Variants in DDHD1 observed in about 807,000 individuals in gnomAD.
DDHD1 encodes the protein DDHD domain containing 1, also known as phospholipase DDHD1.
A neutral mutation model predicts 96.4 loss-of-function variants in DDHD1; 49 were observed. That is an observed-to-expected ratio of 0.51 (90% CI 0.40 to 0.64). The LOEUF is 0.64. Ranked by LOEUF, DDHD1 falls within the 30% of genes least tolerant of loss-of-function variation. DDHD1 has a pLI of 0.00. For missense variants in DDHD1, 1,106 were observed against 1,161.2 expected (o/e 0.95, Z 0.69); for synonymous variants, 442 against 446.5 (o/e 0.99, Z 0.13).
chr14:53,114,864 T>G (rs1285828785), intron 1 of DDHD1, among the ~76,000 whole-genome samples: 1 of 152,056 alleles, frequency 6.6e-6, no homozygotes, highest in Non-Finnish European at 1.5e-5. Context: ...CAAAACTGGA[T>G]GGAGAATGAG....
intron 1 of DDHD1, among the ~76,000 whole-genome samples, chr14:53,150,991 CCTG>C (rs1489300333): frequency 2.6e-5 from 4 of 152,180 alleles, no homozygotes; most frequent in African/African-American, 2.4e-5. Flanking sequence ...AATTAAATTT[CCTG>C]CTATTATTTT....
chr14:53,146,850 A>G (rs1891020245), intron 1 of DDHD1, among the ~76,000 whole-genome samples: 1 of 152,028 alleles, frequency 6.6e-6, no homozygotes, highest in Non-Finnish European at 1.5e-5. Flanking sequence ...TCCTTGTTCT[A>G]CTTTTTAACT....
rs76901477 is a variant in DDHD1 at position 53,062,075 on chromosome 14, C to T, written c.1766+868G>A. Among the ~76,000 whole-genome samples, 73 of 145,192 alleles carry T rather than the reference C, an allele frequency of 5.0e-4. 2 individuals are homozygous for T. Among genetic ancestry groups the T allele is most frequent in the Admixed American group, 3.4e-4 (5 of 14,648 alleles). ...AAAAAAAAATTTGTTATTTTCCATGCTTTTTTTTTCTTTTTTTAAAGTTTT... is the reference window on the plus strand; with the variant it reads ...AAAAAAAAATTTGTTATTTTCCATGTTTTTTTTTTCTTTTTTTAAAGTTTT... On this transcript the variant is annotated intron_variant, in intron 7 of 12. Transcript: ENST00000673822.
intron 12 of DDHD1, among the ~76,000 whole-genome samples, chr14:53,051,597 C>T (rs923405415): frequency 6.6e-6 from 1 of 151,920 alleles, no homozygotes. Context: ...TCTTCAGGTT[C>T]CTTCTTTGTA....
chr14:53,107,513 G>A (rs1410862631), intron 1 of DDHD1, among the ~76,000 whole-genome samples: 1 of 152,206 alleles, frequency 6.6e-6, no homozygotes, highest in Non-Finnish European at 1.5e-5. Context: ...AATTGTGGCT[G>A]GATACAGTGG....
In DDHD1 at chr14:53,152,548, C is replaced by A; in HGVS notation, c.551G>T (p.Gly184Val). 1 of 1,613,876 alleles carries A rather than the reference C, an allele frequency of 6.2e-7. No individual in the cohort carries two copies. Residue 184 changes from glycine (G) to valine (V), a missense_variant, in exon 1 of 13, where the codon GGC becomes GTC. By Grantham distance (109) the Gly-to-Val change is moderately radical. Coordinates refer to ENST00000673822, the MANE Select transcript of DDHD1 (RefSeq NM_001160148.2). ...EDKKTWKPFIGYDSLRIELAF... is the reference protein window; with the variant it reads ...EDKKTWKPFIVYDSLRIELAF... Reference sequence around the variant, plus strand: ...GAGCTCGATGCGGAGCGAGTCGTAGCCGATGAAGGGCTTCCAGGTCTTCTT... The same window carrying A: ...GAGCTCGATGCGGAGCGAGTCGTAGACGATGAAGGGCTTCCAGGTCTTCTT...
At chr14:53,150,344 T>C (rs566313647) in intron 1 of DDHD1, among the ~76,000 whole-genome samples, 1 of 152,352 alleles carries the variant, frequency 6.6e-6, no homozygotes, top group East Asian at 1.9e-4. Context: ...TACTGCACTG[T>C]ATTCCCCCAC....
At position 53,040,657 on chromosome 14, in the gene DDHD1, A is replaced by AACTGTCATCCAGTGT; in HGVS notation, c.*6110_*6111insACACTGGATGACAGT. ...AAAGTTTAAAGTTTCTGTCATCCAAACTGATCACTGCAGAGAGAAAACAGA... is the reference window on the plus strand; with the variant it reads ...AAAGTTTAAAGTTTCTGTCATCCAAAACTGTCATCCAGTGTCTGATCACTGCAGAGAGAAAACAGA... On this transcript the variant is annotated 3_prime_UTR_variant, in exon 13 of 13. Coordinates refer to ENST00000673822, the MANE Select transcript of DDHD1 (RefSeq NM_001160148.2). 1 of 152,192 alleles carries AACTGTCATCCAGTGT rather than the reference A, an allele frequency of 6.6e-6. No individual in the cohort carries two copies. Among genetic ancestry groups the AACTGTCATCCAGTGT allele is most frequent in the South Asian group, 2.1e-4 (1 of 4,838 alleles). The allele number at this position is 152,192 out of a possible 1,614,324, so 9.4% of individuals were successfully genotyped here. A position where few individuals can be genotyped will look rare whatever the true frequency, so the allele number is the denominator to read the frequency against.
intron 1 of DDHD1, among the ~76,000 whole-genome samples, chr14:53,147,942 A>G (rs980717896): frequency 6.6e-6 from 1 of 151,794 alleles, no homozygotes; most frequent in Admixed American, 6.6e-5. Flanking sequence ...TATGAATAAC[A>G]CGGTCACATC....
chr14:53,140,548 C>T (rs1164857310), intron 1 of DDHD1, among the ~76,000 whole-genome samples: 1 of 151,836 alleles, frequency 6.6e-6, no homozygotes, highest in Non-Finnish European at 1.5e-5. Flanking sequence ...AAACAACCAA[C>T]CAAAAAAACT....
In DDHD1 at chr14:53,130,053, ATCC is replaced by A. The variant is rs374907385; in HGVS notation, c.838+22205_838+22207del. ...CCACCCCAAGCTCTGAGTCCTTTGA[ATCC>A]TCCTCTTCTACGGACCCATCTGACC... is the stretch of plus-strand genomic sequence containing the variant. On this transcript the variant is annotated intron_variant, in intron 1 of 12. Coordinates refer to ENST00000673822, the MANE Select transcript of DDHD1 (RefSeq NM_001160148.2). Among the ~76,000 whole-genome samples, 72 of 151,860 alleles carry A rather than the reference ATCC, an allele frequency of 4.7e-4. No homozygotes were observed. In the East Asian group the frequency reaches 0.014, roughly 29 times the overall value.
intron 8 of DDHD1, among the ~76,000 whole-genome samples, 185 bp from the exon 9 acceptor site, chr14:53,058,811 A>G (rs917569259): frequency 1.3e-5 from 2 of 152,250 alleles, no homozygotes; most frequent in Non-Finnish European, 2.9e-5. Context: ...ATCTATTTCC[A>G]TGAGATACTT....
At chr14:53,101,717 ACAT>A (rs1408070830) in intron 2 of DDHD1, among the ~76,000 whole-genome samples, 1 of 152,114 alleles carries the variant, frequency 6.6e-6, no homozygotes, top group African/African-American at 2.4e-5. Flanking sequence ...CCATCTTCTT[ACAT>A]CAGTCTTATT....
intron 4 of DDHD1, among the ~76,000 whole-genome samples, chr14:53,084,623 T>C (rs950464508): frequency 1.3e-5 from 2 of 152,096 alleles, no homozygotes; most frequent in Non-Finnish European, 2.9e-5. Context: ...TGTGACAAGG[T>C]TTTTTCTTTA....
chr14:53,116,960 C>T (rs1290260991), intron 1 of DDHD1, among the ~76,000 whole-genome samples: 1 of 152,074 alleles, frequency 6.6e-6, no homozygotes, highest in Admixed American at 6.5e-5. Flanking sequence ...AATTGATAGA[C>T]TGCTAGCTAG....
chr14:53,100,952 T>C (rs1320513895), intron 2 of DDHD1, among the ~76,000 whole-genome samples: 1 of 152,232 alleles, frequency 6.6e-6, no homozygotes, highest in Non-Finnish European at 1.5e-5. Context: ...TGTTTTCATC[T>C]GTTGGCTTTG....
intron 1 of DDHD1, among the ~76,000 whole-genome samples, chr14:53,142,453 G>A (rs570261050): frequency 4.7e-4 from 70 of 148,582 alleles, no homozygotes; most frequent in African/African-American, 1.3e-3. Context: ...TTTTCTTGCC[G>A]GCATGGCAAA....
intron 4 of DDHD1, among the ~76,000 whole-genome samples, chr14:53,086,179 T>G (rs1167365481): frequency 2.0e-5 from 3 of 152,216 alleles, no homozygotes; most frequent in Non-Finnish European, 4.4e-5. Context: ...GTCTGACTGG[T>G]GTACCTGAAA....
At chr14:53,151,767 A>T (rs1891392267) in intron 1 of DDHD1, among the ~76,000 whole-genome samples, 4 of 152,186 alleles carry the variant, frequency 2.6e-5, no homozygotes, top group Admixed American at 2.6e-4. Context: ...CAGTGGGAAC[A>T]ACCTATCTCC....
Sources: allele counts gnomAD v4.1 joint callset (sites outside exome capture counted in the v4.1 genomes callset), GRCh38; gene constraint gnomAD v4.1.1; transcripts MANE v1.5; gene names NCBI Gene and HGNC (gene_info 2026-07-23, HGNC 2026-07-21).